The following JMJD1C variants were observed in gnomAD, a reference collection of about 807,000 sequenced individuals.
JMJD1C encodes the protein jumonji domain containing 1C.
A neutral mutation model predicts 245.3 loss-of-function variants in JMJD1C; 31 were observed. That is an observed-to-expected ratio of 0.13 (90% confidence interval 0.09 to 0.17). The LOEUF (loss-of-function observed/expected upper bound fraction) is 0.17, where lower values mean the gene tolerates loss of function less well. JMJD1C is among the 10% of genes least tolerant of loss of function. The probability of loss-of-function intolerance (pLI) is 1.00; values close to 1 mark genes in which losing one functional copy is unlikely to be tolerated. For synonymous variants in JMJD1C, 1,057 were observed against 1,017.4 expected, an observed-to-expected ratio of 1.04 and a Z score of -0.74; for missense variants, 2,691 against 3,000.2, an observed-to-expected ratio of 0.90 and a Z score of 2.41.
At chr10:63,240,060 A>C (rs1317837730) in intron 3 of JMJD1C, among the ~76,000 whole-genome samples, 1 of 152,238 alleles carries the variant, frequency 6.6e-6, no homozygotes, top group Admixed American at 6.5e-5. Context: ...TGGCCTCTCC[A>C]GAATTTTAAC....
intron 1 of JMJD1C, among the ~76,000 whole-genome samples, chr10:63,463,123 A>C (rs1234308022): frequency 6.6e-6 from 1 of 152,082 alleles, no homozygotes; most frequent in Non-Finnish European, 1.5e-5. Context: ...AAAAAATCAC[A>C]AACTAGCCTA....
intron 2 of JMJD1C, among the ~76,000 whole-genome samples, chr10:63,373,479 TACACTGCCAG>T (rs1380056467): frequency 6.6e-6 from 1 of 152,198 alleles, no homozygotes; most frequent in East Asian, 1.9e-4. Flanking sequence ...AAACAGCAGG[TACACTGCCAG>T]TTTCCACTAA....
chr10:63,444,481 C>T (rs1376785927), intron 1 of JMJD1C, among the ~76,000 whole-genome samples: 2 of 152,108 alleles, frequency 1.3e-5, no homozygotes, highest in African/African-American at 4.8e-5. Context: ...ACCATGTTGG[C>T]CAGGCTGGTC....
chr10:63,202,263 A>G, intron 10 of JMJD1C: 1 of 978,780 alleles, frequency 1.0e-6, no homozygotes, highest in Non-Finnish European at 1.2e-6. Context: ...AAAAATATAT[A>G]TAAATAAAAG....
intron 1 of JMJD1C, among the ~76,000 whole-genome samples, chr10:63,393,597 G>A (rs943198616): frequency 6.6e-6 from 1 of 152,196 alleles, no homozygotes; most frequent in South Asian, 2.1e-4. Flanking sequence ...CCATTTTATT[G>A]CAGCACTATT....
intron 2 of JMJD1C, among the ~76,000 whole-genome samples, chr10:63,361,961 C>T (rs542075277): frequency 2.6e-5 from 4 of 151,994 alleles, no homozygotes; most frequent in Non-Finnish European, 4.4e-5. Flanking sequence ...GGGCCAAGCA[C>T]AGTGGTTCAC....
chr10:63,478,790 C>T (rs1262296071), intron 1 of JMJD1C, among the ~76,000 whole-genome samples: 1 of 152,126 alleles, frequency 6.6e-6, no homozygotes, highest in Non-Finnish European at 1.5e-5. Flanking sequence ...CATGGCTGAC[C>T]TTAGTCTCCA....
At chr10:63,331,033 A>C (rs1026228444) in intron 2 of JMJD1C, among the ~76,000 whole-genome samples, 2 of 152,200 alleles carry the variant, frequency 1.3e-5, no homozygotes, top group African/African-American at 4.8e-5. Context: ...TTCAAGTATC[A>C]ATTTCATTTT....
chr10:63,412,192 G>C (rs1949526624), intron 1 of JMJD1C, among the ~76,000 whole-genome samples: 1 of 152,096 alleles, frequency 6.6e-6, no homozygotes, highest in Non-Finnish European at 1.5e-5. Flanking sequence ...AAATTAACTG[G>C]TAATAGCCTA....
intron 24 of JMJD1C, among the ~76,000 whole-genome samples, chr10:63,171,097 A>G (rs1292649823): frequency 6.6e-6 from 1 of 152,094 alleles, no homozygotes; most frequent in Non-Finnish European, 1.5e-5. Context: ...CAACTTTACA[A>G]TTTTCTAAAC....
chr10:63,419,568 G>C (rs1223034169), intron 1 of JMJD1C, among the ~76,000 whole-genome samples: 1 of 152,070 alleles, frequency 6.6e-6, no homozygotes, highest in African/African-American at 2.4e-5. Flanking sequence ...AAATAGACTT[G>C]GTGGCTTCTA....
intron 2 of JMJD1C, among the ~76,000 whole-genome samples, chr10:63,375,744 G>T (rs1946690616): frequency 6.6e-6 from 1 of 151,986 alleles, no homozygotes; most frequent in South Asian, 2.1e-4. Flanking sequence ...TTGCAGAGAA[G>T]GGGGCTCGCT....
At position 63,327,418 on chromosome 10, in the gene JMJD1C, G is replaced by A. The variant is rs149900380; in HGVS notation, c.333+52900C>T. 4.3e-3 allele frequency among the ~76,000 whole-genome samples: 659 copies of A among 152,164 alleles called. 5 individuals are homozygous for A. The highest frequency in any genetic ancestry group is 0.016 in the African/African-American group (647 of 41,510). On this transcript the variant is annotated intron_variant, in intron 2 of 25. Transcript: ENST00000399262. ...AACAAATAGAGAAAGTTACTTCATT[G>A]CCATTATATGTATATTTCCCCCACC...
At chr10:63,247,185 A>T (rs1258907947) in intron 3 of JMJD1C, among the ~76,000 whole-genome samples, 1 of 151,646 alleles carries the variant, frequency 6.6e-6, no homozygotes, top group Non-Finnish European at 1.5e-5. Flanking sequence ...GAAAAGATAG[A>T]TAAAATCAAT....
intron 1 of JMJD1C, among the ~76,000 whole-genome samples, chr10:63,430,737 A>G (rs1950696743): frequency 6.6e-6 from 1 of 152,342 alleles, no homozygotes; most frequent in Non-Finnish European, 1.5e-5. Flanking sequence ...TATGTAAATT[A>G]TATCTCAATA....
intron 1 of JMJD1C, among the ~76,000 whole-genome samples, chr10:63,501,430 T>C (rs1392492511): frequency 6.6e-6 from 1 of 152,178 alleles, no homozygotes; most frequent in Non-Finnish European, 1.5e-5. Context: ...CCCCCATACT[T>C]TTCAAAGGTA....
chr10:63,274,554 G>C (rs1454557389), intron 2 of JMJD1C, among the ~76,000 whole-genome samples: 2 of 151,154 alleles, frequency 1.3e-5, no homozygotes, highest in Admixed American at 6.6e-5. Context: ...GACAGAGCGA[G>C]ACTCAGTCTC....
chr10:63,170,933 T>C (rs1384018612), intron 24 of JMJD1C, among the ~76,000 whole-genome samples: 1 of 152,220 alleles, frequency 6.6e-6, no homozygotes, highest in African/African-American at 2.4e-5. Context: ...GTTATAATTA[T>C]AAATAGGTAA....
intron 2 of JMJD1C, among the ~76,000 whole-genome samples, chr10:63,315,578 C>A (rs954607410): frequency 6.6e-6 from 1 of 152,022 alleles, no homozygotes; most frequent in African/African-American, 2.4e-5. Context: ...GTGGCTCATG[C>A]CTATAATCCC....
Sources: allele counts gnomAD v4.1 joint callset (sites outside exome capture counted in the v4.1 genomes callset), GRCh38; gene constraint gnomAD v4.1.1; transcripts MANE v1.5; gene names NCBI Gene and HGNC (gene_info 2026-07-23, HGNC 2026-07-21).